PPM1E: variants seen among roughly 807,000 people sequenced by gnomAD.
PPM1E encodes the protein protein phosphatase 1E.
In PPM1E, 20 loss-of-function variants were observed where a neutral mutation model predicts 65.9. The observed-to-expected ratio is 0.30, with a 90% CI of 0.21 to 0.44. PPM1E has a LOEUF of 0.44. PPM1E is among the 20% of genes least tolerant of loss of function. PPM1E has a pLI of 1.00. For synonymous variants in PPM1E, 352 were observed against 374.9 expected, an observed-to-expected ratio of 0.94 and a Z score of 0.70; for missense variants, 713 against 953.1, an observed-to-expected ratio of 0.75 and a Z score of 3.32.
chr17:58,913,467 T>G (rs1330413093), intron 1 of PPM1E, among the ~76,000 whole-genome samples: 3 of 152,214 alleles, frequency 2.0e-5, no homozygotes, highest in East Asian at 3.8e-4. Flanking sequence ...CAATGGGTTC[T>G]TCTTGCCCAC....
intron 1 of PPM1E, among the ~76,000 whole-genome samples, chr17:58,918,946 T>C (rs528554514): frequency 2.0e-5 from 3 of 152,194 alleles, no homozygotes; most frequent in South Asian, 4.1e-4. Flanking sequence ...AGAAAAGGGA[T>C]TGCTTTTATG....
intron 6 of PPM1E, 76 bp from the exon 7 acceptor site, chr17:58,979,898 G>C (rs1428389703): frequency 1.8e-6 from 2 of 1,138,798 alleles, no homozygotes; most frequent in African/African-American, 3.1e-5. Context: ...TCAGAGTCAT[G>C]GCATTGGTCA....
intron 1 of PPM1E, among the ~76,000 whole-genome samples, chr17:58,762,693 C>A (rs942595208): frequency 2.6e-5 from 4 of 152,064 alleles, no homozygotes; most frequent in African/African-American, 9.6e-5. Context: ...GTCAGGAGAT[C>A]GAGACCATCC....
intron 1 of PPM1E, among the ~76,000 whole-genome samples, chr17:58,807,028 C>G (rs1237345307): frequency 1.3e-5 from 2 of 151,936 alleles, no homozygotes; most frequent in African/African-American, 2.4e-5. Flanking sequence ...CTACTTCATA[C>G]TCTGTCATGG....
intron 1 of PPM1E, among the ~76,000 whole-genome samples, chr17:58,894,098 C>CA (rs2051382064): frequency 6.6e-6 from 1 of 151,662 alleles, no homozygotes; most frequent in Non-Finnish European, 1.5e-5. Flanking sequence ...GAAAAACCAC[C>CA]AAAAAACAAA....
At position 58,980,833 on chromosome 17, in the gene PPM1E, T is replaced by C. The variant is rs747100397; in HGVS notation, c.2070T>C (p.Phe690=). 1 of 1,614,160 alleles carries C rather than the reference T, an allele frequency of 6.2e-7. No individual in the cohort carries two copies. The highest frequency in any genetic ancestry group is 1.1e-5 in the South Asian group (1 of 91,078). Residue 690 remains phenylalanine (F), a synonymous_variant, in exon 7 of 7, where the codon TTT becomes TTC. Transcript: ENST00000308249. The surrounding 1 kb of genome is among the most constrained non-coding windows in gnomAD (Gnocchi z 4.7). The part of the protein sequence containing the change: ...RFRFNPKFYS[F]LSAQEPSHKI... Reference sequence around the variant, plus strand: ...GGTTTAATCCAAAGTTTTATTCATTTCTCTCTGCTCAAGAGCCTTCCCACA... The same window carrying C: ...GGTTTAATCCAAAGTTTTATTCATTCCTCTCTGCTCAAGAGCCTTCCCACA...
chr17:58,908,838 T>C (rs192412989), intron 1 of PPM1E, among the ~76,000 whole-genome samples: 1 of 152,292 alleles, frequency 6.6e-6, no homozygotes. Flanking sequence ...ATTTCACTGA[T>C]AGTGTGAGTG....
At chr17:58,976,593 G>C (rs567066805) in intron 6 of PPM1E, among the ~76,000 whole-genome samples, 8 of 152,264 alleles carry the variant, frequency 5.3e-5, no homozygotes, top group African/African-American at 1.7e-4. Flanking sequence ...AGTTGACAGA[G>C]GCATGATATG....
intron 1 of PPM1E, among the ~76,000 whole-genome samples, chr17:58,769,949 C>T (rs2049919724): frequency 6.6e-6 from 1 of 152,046 alleles, no homozygotes; most frequent in African/African-American, 2.4e-5. Context: ...ATTGCTTGAG[C>T]CCAGGAGGTG....
At chr17:58,784,961 A>C (rs2050085036) in intron 1 of PPM1E, among the ~76,000 whole-genome samples, 1 of 152,272 alleles carries the variant, frequency 6.6e-6, no homozygotes, top group African/African-American at 2.4e-5. Context: ...CACTTTCTTG[A>C]TGGTATCATT....
chr17:58,935,228 C>T (rs962455111), intron 1 of PPM1E, among the ~76,000 whole-genome samples: 15 of 143,082 alleles, frequency 1.0e-4, no homozygotes, highest in Admixed American at 2.8e-4. Context: ...CCAGCCTGGG[C>T]GACAGAACTA....
At chr17:58,979,017 T>C (rs1488789758) in intron 6 of PPM1E, among the ~76,000 whole-genome samples, 1 of 152,142 alleles carries the variant, frequency 6.6e-6, no homozygotes, top group Non-Finnish European at 1.5e-5. Context: ...TCCTGTTCCC[T>C]CAATTGAGGC....
intron 1 of PPM1E, among the ~76,000 whole-genome samples, chr17:58,864,348 T>C (rs2050975472): frequency 2.6e-5 from 4 of 152,192 alleles, no homozygotes. Context: ...TAAGATACTG[T>C]AGCATAATCT....
chr17:58,931,108 C>CG (rs2051891551), intron 1 of PPM1E, among the ~76,000 whole-genome samples: 1 of 149,370 alleles, frequency 6.7e-6, no homozygotes, highest in Admixed American at 6.7e-5. Context: ...AGAAAAAAGC[C>CG]GGGCGCGGTG....
At chr17:58,802,929 G>A (rs949447289) in intron 1 of PPM1E, among the ~76,000 whole-genome samples, 4 of 152,010 alleles carry the variant, frequency 2.6e-5, no homozygotes, top group Non-Finnish European at 5.9e-5. Context: ...CAGTTCTTTT[G>A]TGGAGTCTTT....
intron 1 of PPM1E, among the ~76,000 whole-genome samples, chr17:58,933,419 C>G (rs2051928812): frequency 1.3e-5 from 2 of 152,082 alleles, no homozygotes; most frequent in South Asian, 4.2e-4. Flanking sequence ...AACTAAGATG[C>G]CTTCTACCAT....
At chr17:58,804,159 C>T (rs905402455) in intron 1 of PPM1E, among the ~76,000 whole-genome samples, 1 of 152,130 alleles carries the variant, frequency 6.6e-6, no homozygotes, top group African/African-American at 2.4e-5. Context: ...AACTCCTGGC[C>T]TCAAGCAGTC....
At chr17:58,810,837 C>T (rs2050359323) in intron 1 of PPM1E, among the ~76,000 whole-genome samples, 2 of 151,782 alleles carry the variant, frequency 1.3e-5, no homozygotes, top group Non-Finnish European at 2.9e-5. Flanking sequence ...ATTGTTATGG[C>T]CCACTATATG....
At chr17:58,854,732 T>C (rs2050864158) in intron 1 of PPM1E, among the ~76,000 whole-genome samples, 1 of 152,314 alleles carries the variant, frequency 6.6e-6, no homozygotes, top group African/African-American at 2.4e-5. Flanking sequence ...GAGGCATCCT[T>C]ACAGTTCCGG....
Sources: gnomAD v4.1 joint callset for allele counts (sites outside exome capture counted in the v4.1 genomes callset) on GRCh38, gnomAD v4.1.1 for gene constraint, Gnocchi (gnomAD v3.1) non-coding constraint, MANE v1.5 for transcripts, NCBI Gene and HGNC (gene_info 2026-07-23, HGNC 2026-07-21) for gene names.